The following PREX1 variants were observed in gnomAD, a reference collection of about 807,000 sequenced individuals.
The protein encoded by PREX1 is phosphatidylinositol-3,4,5-trisphosphate dependent Rac exchange factor 1, also known as phosphatidylinositol 3,4,5-trisphosphate-dependent Rac exchanger 1 protein.
Under a neutral mutation model 198.3 loss-of-function variants are expected in PREX1, and 41 were observed. The observed-to-expected ratio is 0.21, with a 90% confidence interval of 0.16 to 0.27. The LOEUF is 0.27. PREX1 is among the 10% of genes least tolerant of loss of function. The pLI is 1.00. For synonymous variants in PREX1, 843 were observed against 887.2 expected (o/e 0.95, Z 0.89); for missense variants, 1,620 against 2,200.7 (o/e 0.74, Z 5.28).
intron 15 of PREX1, among the ~76,000 whole-genome samples, chr20:48,665,874 C>A (rs779218777): frequency 1.3e-5 from 2 of 152,078 alleles, no homozygotes; most frequent in African/African-American, 2.4e-5. Context: ...GGCAGACATC[C>A]CAGGAAGGGC....
At chr20:48,751,856 A>C (rs889105042) in intron 1 of PREX1, among the ~76,000 whole-genome samples, 1 of 152,226 alleles carries the variant, frequency 6.6e-6, no homozygotes, top group Non-Finnish European at 1.5e-5. Flanking sequence ...TCAGGGATAC[A>C]GAAAAGAATA....
chr20:48,799,278 C>A (rs2090375726), intron 1 of PREX1, among the ~76,000 whole-genome samples: 1 of 152,210 alleles, frequency 6.6e-6, no homozygotes, highest in African/African-American at 2.4e-5. Context: ...CTCATATACA[C>A]TTGGTTGAGG....
chr20:48,679,280 G>T, intron 13 of PREX1, 80 bp downstream of exon 13: 1 of 1,261,130 alleles, frequency 7.9e-7, no homozygotes, highest in Non-Finnish European at 1.1e-6. Flanking sequence ...CTGGAGCTCA[G>T]AGAGGTTAAG....
intron 15 of PREX1, among the ~76,000 whole-genome samples, chr20:48,665,077 G>A (rs554489694): frequency 3.3e-4 from 48 of 145,016 alleles, no homozygotes; most frequent in African/African-American, 1.2e-3. Flanking sequence ...GACTCCAGAC[G>A]GCCTGAATTC....
intron 1 of PREX1, chr20:48,821,828 C>T (rs953703585): frequency 1.3e-5 from 2 of 152,190 alleles, no homozygotes; most frequent in Admixed American, 1.3e-4. Flanking sequence ...ACCCCATTCG[C>T]GTCTTCTTAA....
intron 33 of PREX1, among the ~76,000 whole-genome samples, chr20:48,634,081 TGGAC>T (rs1423797210): frequency 5.9e-4 from 69 of 117,236 alleles, no homozygotes; most frequent in Middle Eastern, 0.011. Context: ...GATGGATGGA[TGGAC>T]GGATGGATGG....
At chr20:48,809,818 C>A (rs1044591086) in intron 1 of PREX1, among the ~76,000 whole-genome samples, 1 of 152,114 alleles carries the variant, frequency 6.6e-6, no homozygotes, top group Non-Finnish European at 1.5e-5. Flanking sequence ...CCCAAAGGGG[C>A]ATAAGTGCAG....
At chr20:48,792,154 C>T (rs1285817299) in intron 1 of PREX1, among the ~76,000 whole-genome samples, 1 of 152,166 alleles carries the variant, frequency 6.6e-6, no homozygotes, top group Non-Finnish European at 1.5e-5. Flanking sequence ...ACATCCAAGG[C>T]CCAGGGCTTG....
At chr20:48,839,027 A>C in the PREX1 span, among the ~76,000 whole-genome samples, 2,765 of 147,206 alleles carry the variant, frequency 0.019, 156 homozygotes, top group African/African-American at 0.069. Flanking sequence ...AAAAGCAAGG[A>C]AATATATTTT....
intron 39 of PREX1, among the ~76,000 whole-genome samples, chr20:48,626,875 G>C (rs1421631292): frequency 2.0e-5 from 3 of 152,200 alleles, no homozygotes; most frequent in Non-Finnish European, 2.9e-5. Context: ...GCAAACTAGG[G>C]CTGTGGAGAT....
intron 5 of PREX1, among the ~76,000 whole-genome samples, chr20:48,718,325 T>C (rs2089971315): frequency 6.6e-6 from 1 of 152,144 alleles, no homozygotes; most frequent in Non-Finnish European, 1.5e-5. Flanking sequence ...TGGTGGTGAT[T>C]GATGGTGATG....
At chr20:48,848,767 C>T in the PREX1 span, among the ~76,000 whole-genome samples, 8 of 152,092 alleles carry the variant, frequency 5.3e-5, no homozygotes, top group African/African-American at 1.9e-4. Context: ...GTTGGAGTCT[C>T]GCTCTGTCGC....
intron 33 of PREX1, among the ~76,000 whole-genome samples, chr20:48,633,623 G>T (rs1042482933): frequency 1.3e-5 from 2 of 152,194 alleles, no homozygotes; most frequent in African/African-American, 2.4e-5. Context: ...CTGGGCCGGA[G>T]AATATGCCTT....
chr20:48,707,623 T>C (rs953379441), intron 6 of PREX1, among the ~76,000 whole-genome samples: 1 of 152,238 alleles, frequency 6.6e-6, no homozygotes, highest in Non-Finnish European at 1.5e-5. Context: ...TACTCTGATA[T>C]GGATTTTTTT....
At chr20:48,757,532 G>A (rs763753815) in intron 1 of PREX1, among the ~76,000 whole-genome samples, 5 of 152,184 alleles carry the variant, frequency 3.3e-5, no homozygotes, top group Non-Finnish European at 7.3e-5. Flanking sequence ...GCCAAGCCTC[G>A]CACCTCAGTT....
At chr20:48,632,674 C>T (rs778308626) in intron 33 of PREX1, 35 bp from the exon 34 acceptor site, 16 of 1,611,012 alleles carry the variant, frequency 9.9e-6, no homozygotes, top group African/African-American at 2.7e-5. Context: ...GACTCACCAC[C>T]GAGGCCAAGG....
chr20:48,802,092 G>A (rs542074665), intron 1 of PREX1, among the ~76,000 whole-genome samples: 59 of 152,206 alleles, frequency 3.9e-4, no homozygotes, highest in East Asian at 5.8e-4. Flanking sequence ...CAGGCGTTCT[G>A]TTATAAGCAG....
intron 10 of PREX1, among the ~76,000 whole-genome samples, chr20:48,681,866 G>C (rs1207092920): frequency 1.3e-5 from 2 of 152,162 alleles, no homozygotes. Flanking sequence ...CAGATGGCTA[G>C]ATGGAGTGGT....
chr20:48,880,981 T>TAAAAAAAAAAAAAAAAAAA, the PREX1 span, among the ~76,000 whole-genome samples: 1 of 20,996 alleles, frequency 4.8e-5, no homozygotes, highest in Non-Finnish European at 7.6e-5. Flanking sequence ...AAACCATTGC[T>TAAAAAAAAAAAAAAAAAAA]AAAAAAAAAA....
Sources: allele counts gnomAD v4.1 joint callset (sites outside exome capture counted in the v4.1 genomes callset), GRCh38; gene constraint gnomAD v4.1.1; transcripts MANE v1.5; gene names NCBI Gene and HGNC (gene_info 2026-07-23, HGNC 2026-07-21).